Variants in STOML3 observed in about 807,000 individuals in gnomAD.
STOML3 encodes the protein stomatin like 3, also known as stomatin-like protein 3.
In STOML3, 31 loss-of-function variants were observed where a neutral mutation model predicts 29.5. The observed-to-expected ratio is 1.05, with a 90% confidence interval of 0.79 to 1.42. STOML3 has a LOEUF of 1.42. Among genes scored for constraint, STOML3 ranks in the 40% most tolerant of loss-of-function variants. STOML3 has a pLI of 0.00. For missense variants in STOML3, 380 were observed against 363.0 expected (o/e 1.05, Z -0.38); for synonymous variants, 122 against 139.8 (o/e 0.87, Z 0.90).
chr13:38,968,599 T>C, intron 5 of STOML3, 65 bp from the exon 6 acceptor site: 28 of 1,557,240 alleles, frequency 1.8e-5, no homozygotes, highest in Middle Eastern at 3.4e-4. Context: ...GTTTCTGATA[T>C]GTTTTATACT....
At chr13:38,982,042 T>C (rs918132415) in intron 1 of STOML3, among the ~76,000 whole-genome samples, 4 of 152,076 alleles carry the variant, frequency 2.6e-5, no homozygotes, top group Admixed American at 6.5e-5. Flanking sequence ...ATAAATGAAG[T>C]TGTGGTGTAT....
intron 1 of STOML3, among the ~76,000 whole-genome samples, chr13:38,978,330 T>G: frequency 6.6e-6 from 1 of 151,990 alleles, no homozygotes. Context: ...ATTTTTGTAT[T>G]TTTAGTAGAG....
intron 1 of STOML3, among the ~76,000 whole-genome samples, chr13:38,990,060 A>C (rs1868939229): frequency 1.3e-5 from 2 of 152,206 alleles, no homozygotes; most frequent in African/African-American, 4.8e-5. Context: ...TAAAATTGAA[A>C]GAGATAATGC....
At chr13:38,972,725 A>G in intron 3 of STOML3, 131 bp from the exon 4 acceptor site, 1 of 721,486 alleles carries the variant, frequency 1.4e-6, no homozygotes, top group Non-Finnish European at 2.3e-6. Context: ...TGCACACATG[A>G]AACTCTGAGG....
chr13:38,980,550 G>A (rs147414828), intron 1 of STOML3, among the ~76,000 whole-genome samples: 22 of 147,290 alleles, frequency 1.5e-4, no homozygotes, highest in Middle Eastern at 3.5e-3. Context: ...AAGAAAAAGG[G>A]GCTGCACAAC....
chr13:38,988,374 T>TTATATTTTATATCA (rs1308684859), intron 1 of STOML3, among the ~76,000 whole-genome samples: 1 of 92,734 alleles, frequency 1.1e-5, no homozygotes, highest in East Asian at 3.5e-4. Flanking sequence ...ATATAATATA[T>TTATATTTTATATCA]TATATTTTAT....
intron 1 of STOML3, among the ~76,000 whole-genome samples, chr13:38,982,319 T>A (rs1881296659): frequency 6.6e-6 from 1 of 152,120 alleles, no homozygotes; most frequent in Non-Finnish European, 1.5e-5. Flanking sequence ...TCTTTGTTTT[T>A]AAAATATGTT....
intron 1 of STOML3, chr13:38,980,094 A>G: frequency 6.4e-7 from 1 of 1,551,728 alleles, no homozygotes; most frequent in East Asian, 2.4e-5. Context: ...TTGCATCATT[A>G]CACGTGCACA....
At chr13:38,987,102 A>C (rs1177463502) in intron 1 of STOML3, among the ~76,000 whole-genome samples, 1 of 152,202 alleles carries the variant, frequency 6.6e-6, no homozygotes, top group Non-Finnish European at 1.5e-5. Context: ...CCTTGGGGAA[A>C]GGAAGAAAGC....
intron 1 of STOML3, among the ~76,000 whole-genome samples, chr13:38,980,686 G>C (rs1255852770): frequency 6.6e-6 from 1 of 152,132 alleles, no homozygotes; most frequent in Non-Finnish European, 1.5e-5. Context: ...CTTCCTAGTA[G>C]AAAACTGGAT....
In STOML3 at chr13:38,980,133, G is replaced by A. The variant is rs9548577; in HGVS notation, c.53-3336C>T. On this transcript the variant is annotated intron_variant, in intron 1 of 6. Coordinates refer to ENST00000379631, the MANE Select transcript of STOML3 (RefSeq NM_145286.3). ...GGCTCAGCTCCATTAGGTAATAGAC[G>A]TGCTGAGAGAGACAAGAGAAGAGAA... The A allele has an allele frequency of 6.4e-3, 9,887 of 1,551,216 alleles. 52 individuals carry two copies. Among genetic ancestry groups the A allele is most frequent in the Admixed American group, 8.0e-3 (408 of 50,990 alleles).
At chr13:38,975,270 G>A (rs1260470667) in intron 3 of STOML3, among the ~76,000 whole-genome samples, 5 of 150,574 alleles carry the variant, frequency 3.3e-5, no homozygotes, top group South Asian at 2.1e-4. Context: ...GCAGTGAGCC[G>A]AGATCACGCC....
chr13:38,975,542 C>T lies in STOML3; in HGVS notation c.229+998G>A, dbSNP rs1174057735. Among the ~76,000 whole-genome samples the T allele has an allele frequency of 3.3e-5, 5 of 152,084 alleles. 1 individual carries two copies. In the South Asian group the frequency reaches 6.2e-4, roughly 19 times the overall value. On this transcript the variant is annotated intron_variant, in intron 3 of 6. Transcript: ENST00000379631. ...TTATTCAAATAAGCCATAATGGGGG[C>T]AGAAAGCAAATGTTATCAGAGAAAT... is the stretch of plus-strand genomic sequence containing the variant.
In STOML3 at chr13:38,966,634, T is replaced by C. The variant is rs1880653392; in HGVS notation, c.*191A>G. The C allele has an allele frequency of 4.0e-6, 2 of 502,678 alleles. No homozygotes were observed. The highest frequency in any genetic ancestry group is 3.5e-5 in the Admixed American group (1 of 28,586). The allele number at this position is 502,678 out of a possible 1,614,324, so 31.1% of individuals were successfully genotyped here. ...ATTATGGTCCTAAAAATAAAAGTAA[T>C]ATACAGGTCTCATTTTTGCTCTTTT... is the stretch of plus-strand genomic sequence containing the variant. On this transcript the variant is annotated 3_prime_UTR_variant, in exon 7 of 7. Coordinates refer to ENST00000379631, the MANE Select transcript of STOML3 (RefSeq NM_145286.3).
In STOML3 at chr13:38,967,126, T is replaced by C. The variant is rs1438025137; in HGVS notation, c.652-77A>G. 9.9e-6 allele frequency: 13 copies of C among 1,312,568 alleles called. No individual in the cohort carries two copies. The East Asian group carries it at 2.8e-4, about 28-fold the overall frequency. The allele number at this position is 1,312,568 out of a possible 1,614,324, so 81.3% of individuals were successfully genotyped here. On this transcript the variant is annotated intron_variant, in intron 6 of 6. Coordinates refer to ENST00000379631, the MANE Select transcript of STOML3 (RefSeq NM_145286.3). ...AGTTCTTTCTTTTTCTGGGTCTGTA[T>C]TGATACCCCTCTCCCCAGCCCCCAT...
chr13:38,971,298 G>A lies in STOML3; in HGVS notation c.313-910C>T, dbSNP rs538083509. 3.3e-5 allele frequency among the ~76,000 whole-genome samples: 5 copies of A among 152,298 alleles called. No individual in the cohort carries two copies. The East Asian group carries it at 5.8e-4, about 18-fold the overall frequency. On this transcript the variant is annotated intron_variant, in intron 4 of 6. Transcript: ENST00000379631. ...TCCTCCTGCCTCAGCCTCTCAAAGT[G>A]CTATGATTACAGGCGTGAGCCACCA...
At chr13:38,980,928 C>A (rs145190384) in intron 1 of STOML3, among the ~76,000 whole-genome samples, 2 of 152,280 alleles carry the variant, frequency 1.3e-5, no homozygotes, top group Admixed American at 1.3e-4. Flanking sequence ...AGGAAGTCTG[C>A]AGCTGGTGAA....
chr13:38,973,096 TAAAAAAAAAAAAAAAAAAA>T (rs71074495), intron 3 of STOML3, among the ~76,000 whole-genome samples: 2 of 32,554 alleles, frequency 6.1e-5, no homozygotes, highest in Non-Finnish European at 1.0e-4. Flanking sequence ...CCGTCTCTAC[TAAAAAAAAAAAAAAAAAAA>T]AAAAAAAAAA....
At chr13:38,988,291 T>TA (rs1868747605) in intron 1 of STOML3, among the ~76,000 whole-genome samples, 1 of 82,760 alleles carries the variant, frequency 1.2e-5, no homozygotes, top group Non-Finnish European at 1.9e-5. Flanking sequence ...TATATTATAT[T>TA]TTATATCATA....
Sources: gnomAD v4.1 joint callset for allele counts (sites outside exome capture counted in the v4.1 genomes callset) on GRCh38, gnomAD v4.1.1 for gene constraint, MANE v1.5 for transcripts, NCBI Gene and HGNC (gene_info 2026-07-23, HGNC 2026-07-21) for gene names.